The following COBL variants were observed in gnomAD, a reference collection of about 807,000 sequenced individuals.
COBL encodes the protein cordon-bleu WH2 repeat protein.
Under a neutral mutation model 98.8 loss-of-function variants are expected in COBL, and 51 were observed. The ratio of observed to expected loss-of-function variants is 0.52; its 90% confidence interval spans 0.41 to 0.65. The LOEUF is 0.65. Ranked by LOEUF, COBL falls within the 30% of genes least tolerant of loss-of-function variation. COBL has a pLI of 0.00. For synonymous variants in COBL, 634 were observed against 651.7 expected, an observed-to-expected ratio of 0.97 and a Z score of 0.41; for missense variants, 1,617 against 1,617.5, an observed-to-expected ratio of 1.00 and a Z score of 0.01.
At chr7:51,090,950 C>G (rs1172083557) in intron 6 of COBL, among the ~76,000 whole-genome samples, 1 of 152,184 alleles carries the variant, frequency 6.6e-6, no homozygotes. Context: ...AATCAGCAAA[C>G]CTTCTAATTG....
rs554620966 is a variant in COBL, at chr7:51,053,115, A to G, written c.1097-9423T>C. Among the ~76,000 whole-genome samples, 4 of 152,284 alleles carry G rather than the reference A, an allele frequency of 2.6e-5. No homozygotes were observed. The East Asian group carries it at 7.7e-4, about 29-fold the overall frequency. On this transcript the variant is annotated intron_variant, in intron 7 of 12. Coordinates refer to ENST00000265136, the MANE Select transcript of COBL (RefSeq NM_015198.5). ...GTTTACTTCTAACCACTTAAGGAAAATGTAGATTTCAAAAATAGCATTAAT... is the reference window on the plus strand; with the variant it reads ...GTTTACTTCTAACCACTTAAGGAAAGTGTAGATTTCAAAAATAGCATTAAT...
In COBL at chr7:51,092,586, A is replaced by G. The variant is rs183491392; in HGVS notation, c.958-7282T>C. Among the ~76,000 whole-genome samples the G allele has an allele frequency of 6.6e-4, 101 of 152,310 alleles. 2 individuals are homozygous for G. In the East Asian group the frequency reaches 0.017, roughly 26 times the overall value. On this transcript the variant is annotated intron_variant, in intron 6 of 12. Coordinates refer to ENST00000265136, the MANE Select transcript of COBL (RefSeq NM_015198.5). ...TGATACCTTTGTCAAAAATCAATTG[A>G]CCATAAACACTTGGGTTTATTTCTG...
chr7:51,220,691 T>C (rs1793546468), intron 1 of COBL, among the ~76,000 whole-genome samples: 1 of 152,150 alleles, frequency 6.6e-6, no homozygotes, highest in Admixed American at 6.5e-5. Context: ...CACGTGCAGG[T>C]AAATTGCGTG....
intron 5 of COBL, among the ~76,000 whole-genome samples, chr7:51,159,129 C>T (rs767623560): frequency 1.3e-5 from 2 of 152,118 alleles, no homozygotes; most frequent in Non-Finnish European, 2.9e-5. Flanking sequence ...CTGCAGCCCC[C>T]GGCCGCGCGC....
chr7:51,068,961 TA>T (rs1305104511), intron 7 of COBL, among the ~76,000 whole-genome samples: 1 of 152,236 alleles, frequency 6.6e-6, no homozygotes, highest in Non-Finnish European at 1.5e-5. Flanking sequence ...ACTCCAAATG[TA>T]GGCCACTTGT....
chr7:51,287,543 G>A (rs565537232), intron 1 of COBL, among the ~76,000 whole-genome samples: 1 of 152,276 alleles, frequency 6.6e-6, no homozygotes, highest in South Asian at 2.1e-4. Context: ...ATGCAAAATG[G>A]TACAGACACT....
At position 51,316,756 on chromosome 7, in the gene COBL, C is replaced by G. The variant is rs1237817178; in HGVS notation, c.-123G>C. On this transcript the variant is annotated 5_prime_UTR_variant, in exon 1 of 13. Transcript: ENST00000265136. ...CTGACCCATCGTCCTCCCACGCGGG[C>G]CGGCGGAGGACAGCGGCGGAGCGCG... 2.6e-6 allele frequency: 2 copies of G among 775,556 alleles called. No individual in the cohort carries two copies. The highest frequency in any genetic ancestry group is 1.8e-5 in the African/African-American group (1 of 54,370). The allele number at this position is 775,556 out of a possible 1,614,324, so 48.0% of individuals were successfully genotyped here. A position where few individuals can be genotyped will look rare whatever the true frequency, so the allele number is the denominator to read the frequency against.
intron 6 of COBL, among the ~76,000 whole-genome samples, chr7:51,122,875 A>G (rs1356315035): frequency 6.6e-6 from 1 of 152,060 alleles, no homozygotes; most frequent in Non-Finnish European, 1.5e-5. Flanking sequence ...GCGACTCAGG[A>G]GGCTGATGCA....
At chr7:51,230,391 CAA>C (rs976087027) in intron 1 of COBL, among the ~76,000 whole-genome samples, 1 of 152,160 alleles carries the variant, frequency 6.6e-6, no homozygotes, top group African/African-American at 2.4e-5. Context: ...CTCCCAAGGC[CAA>C]AGACTGCCAA....
chr7:51,173,362 T>C (rs1487937443), intron 5 of COBL, among the ~76,000 whole-genome samples: 3 of 151,864 alleles, frequency 2.0e-5, no homozygotes, highest in Admixed American at 1.3e-4. Context: ...TTTTGTATTT[T>C]AGTAGAGGCA....
At chr7:51,189,508 C>G (rs1363139413) in intron 4 of COBL, among the ~76,000 whole-genome samples, 3 of 152,070 alleles carry the variant, frequency 2.0e-5, no homozygotes, top group Non-Finnish European at 4.4e-5. Context: ...GTGGGAGGTG[C>G]CTGTAATCCC....
intron 1 of COBL, among the ~76,000 whole-genome samples, chr7:51,291,043 T>C (rs1026050053): frequency 6.6e-6 from 1 of 152,146 alleles, no homozygotes; most frequent in Admixed American, 6.5e-5. Flanking sequence ...CCTTGGGGTA[T>C]GACTGAATAA....
chr7:51,051,941 A>G (rs1438824389), intron 7 of COBL, among the ~76,000 whole-genome samples: 1 of 152,200 alleles, frequency 6.6e-6, no homozygotes, highest in East Asian at 1.9e-4. Flanking sequence ...CCAATAGTTA[A>G]ACAGGATTCC....
chr7:51,306,676 C>T (rs1432020074), intron 1 of COBL, among the ~76,000 whole-genome samples: 1 of 152,154 alleles, frequency 6.6e-6, no homozygotes, highest in Admixed American at 6.5e-5. Flanking sequence ...TGGTCCTCTC[C>T]TATCACACAC....
intron 1 of COBL, among the ~76,000 whole-genome samples, chr7:51,309,063 G>A (rs892183139): frequency 6.6e-6 from 1 of 152,174 alleles, no homozygotes; most frequent in African/African-American, 2.4e-5. Flanking sequence ...AAGGGGCAGA[G>A]GAGCCACATA....
At chr7:51,267,270 G>T (rs1003351596) in intron 1 of COBL, among the ~76,000 whole-genome samples, 1 of 152,078 alleles carries the variant, frequency 6.6e-6, no homozygotes, top group Non-Finnish European at 1.5e-5. Flanking sequence ...CTTTATGAAA[G>T]ATTTTCCTCT....
intron 1 of COBL, among the ~76,000 whole-genome samples, chr7:51,242,313 T>A (rs1432587501): frequency 6.6e-6 from 1 of 152,226 alleles, no homozygotes; most frequent in Admixed American, 6.5e-5. Context: ...GAAAATTCTG[T>A]AACCAGGCTC....
At chr7:51,145,533 C>G (rs993320865) in intron 5 of COBL, among the ~76,000 whole-genome samples, 4 of 151,998 alleles carry the variant, frequency 2.6e-5, no homozygotes, top group African/African-American at 9.7e-5. Context: ...TACCCGCCAC[C>G]ATGCCCAGCT....
At chr7:51,274,547 G>A (rs956312585) in intron 1 of COBL, among the ~76,000 whole-genome samples, 9 of 152,200 alleles carry the variant, frequency 5.9e-5, no homozygotes, top group Non-Finnish European at 1.0e-4. Flanking sequence ...TCTGGTGCTG[G>A]GCAGAGAAGA....
Sources: allele counts gnomAD v4.1 joint callset (sites outside exome capture counted in the v4.1 genomes callset), GRCh38; gene constraint gnomAD v4.1.1; transcripts MANE v1.5; gene names NCBI Gene and HGNC (gene_info 2026-07-23, HGNC 2026-07-21).